The following PRKCQ variants were observed in gnomAD, a reference collection of about 807,000 sequenced individuals.
The protein encoded by PRKCQ is protein kinase C theta type.
PRKCQ carries 41 observed loss-of-function variants against 91.2 expected under a neutral mutation model. The ratio of observed to expected loss-of-function variants is 0.45; its 90% CI spans 0.35 to 0.58. The LOEUF is 0.58. PRKCQ is among the 20% of genes least tolerant of loss of function. The probability of loss-of-function intolerance (pLI) is 0.00; values close to 1 mark genes in which losing one functional copy is unlikely to be tolerated. For missense variants in PRKCQ, 673 were observed against 896.5 expected (o/e 0.75, Z 3.18); for synonymous variants, 307 against 316.9 (o/e 0.97, Z 0.33).
the PRKCQ span, among the ~76,000 whole-genome samples, chr10:6,404,003 T>C: frequency 1.7e-3 from 253 of 151,846 alleles, 3 homozygotes; most frequent in South Asian, 0.016. Context: ...GAGGAAAAGA[T>C]AGGAGATAGC....
chr10:6,395,075 T>TTTTTTTTTTTC, the PRKCQ span, among the ~76,000 whole-genome samples: 111 of 135,778 alleles, frequency 8.2e-4, 3 homozygotes, highest in African/African-American at 3.0e-3. Flanking sequence ...TTTTTTTTTT[T>TTTTTTTTTTTC]TTTTTGAGAC....
At chr10:6,454,271 T>G (rs1378342815) in intron 15 of PRKCQ, among the ~76,000 whole-genome samples, 1 of 152,122 alleles carries the variant, frequency 6.6e-6, no homozygotes, top group South Asian at 2.1e-4. Flanking sequence ...GTAAAGAGCA[T>G]GCCCTGGTGA....
the PRKCQ span, among the ~76,000 whole-genome samples, chr10:6,404,217 T>TAGAG: frequency 3.5e-4 from 34 of 98,274 alleles, no homozygotes; most frequent in African/African-American, 7.3e-4. Context: ...AAGAAAAAAC[T>TAGAG]AGAGAGAGAG....
intron 15 of PRKCQ, among the ~76,000 whole-genome samples, chr10:6,454,365 C>T (rs1266432863): frequency 1.3e-5 from 2 of 151,968 alleles, no homozygotes; most frequent in African/African-American, 4.8e-5. Flanking sequence ...AGGGTAACAG[C>T]AGTAAGGGCG....
the PRKCQ span, among the ~76,000 whole-genome samples, chr10:6,404,733 T>TCC: frequency 6.9e-6 from 1 of 145,144 alleles, no homozygotes; most frequent in African/African-American, 2.7e-5. Flanking sequence ...CCTTCCTCCC[T>TCC]CCTTCCTTCC....
At chr10:6,450,991 A>G (rs1222147129) in intron 15 of PRKCQ, among the ~76,000 whole-genome samples, 1 of 152,152 alleles carries the variant, frequency 6.6e-6, no homozygotes, top group Non-Finnish European at 1.5e-5. Context: ...TCCAAAACTG[A>G]CACCCTAACA....
At chr10:6,446,339 A>G (rs1419993499) in intron 15 of PRKCQ, among the ~76,000 whole-genome samples, 1 of 143,774 alleles carries the variant, frequency 7.0e-6, no homozygotes, top group Non-Finnish European at 1.5e-5. Context: ...TCAAGCTGTC[A>G]TGGTCACACT....
the PRKCQ span, among the ~76,000 whole-genome samples, chr10:6,414,276 C>A: frequency 6.6e-6 from 1 of 152,176 alleles, no homozygotes; most frequent in African/African-American, 2.4e-5. Flanking sequence ...TTTTGTTGAT[C>A]TTTTCCAGTA....
intron 1 of PRKCQ, among the ~76,000 whole-genome samples, chr10:6,525,556 T>G (rs961835916): frequency 2.0e-5 from 3 of 152,260 alleles, no homozygotes; most frequent in African/African-American, 7.2e-5. Context: ...TTTCAGTTGT[T>G]CAGGCAACTG....
intron 10 of PRKCQ, among the ~76,000 whole-genome samples, chr10:6,484,120 G>T (rs1219843323): frequency 6.6e-6 from 1 of 152,218 alleles, no homozygotes; most frequent in East Asian, 1.9e-4. Flanking sequence ...AAGTCAAGAT[G>T]CTGCCTACGT....
rs147563817 is a variant in PRKCQ at position 6,441,066 on chromosome 10, A to G, written c.1836+827T>C. 4.6e-3 allele frequency among the ~76,000 whole-genome samples: 705 copies of G among 152,346 alleles called. 4 individuals carry two copies. Among genetic ancestry groups the G allele is most frequent in the African/African-American group, 0.016 (674 of 41,572 alleles). ...CCCCACTGAGACAGTGTTTCATAAC[A>G]TAAGAGTGACAATAGGTTGTCTTTT... On this transcript the variant is annotated intron_variant, in intron 16 of 17. Coordinates refer to ENST00000263125, the MANE Select transcript of PRKCQ (RefSeq NM_006257.5).
At chr10:6,413,136 T>C in the PRKCQ span, among the ~76,000 whole-genome samples, 1 of 152,014 alleles carries the variant, frequency 6.6e-6, no homozygotes, top group Non-Finnish European at 1.5e-5. Flanking sequence ...GTATGTTTAG[T>C]AGAGACGGGG....
chr10:6,486,206 T>C, intron 8 of PRKCQ, 62 bp from the exon 9 acceptor site: 1 of 1,368,222 alleles, frequency 7.3e-7, no homozygotes, highest in Non-Finnish European at 1.0e-6. Flanking sequence ...TAAACAACTC[T>C]CTCTGGAGGT....
intron 1 of PRKCQ, among the ~76,000 whole-genome samples, chr10:6,575,412 G>C (rs1841191532): frequency 6.6e-6 from 1 of 152,178 alleles, no homozygotes; most frequent in Non-Finnish European, 1.5e-5. Flanking sequence ...TATTAACACT[G>C]ATGCCATGTT....
At chr10:6,394,766 C>CCA in the PRKCQ span, among the ~76,000 whole-genome samples, 1 of 152,164 alleles carries the variant, frequency 6.6e-6, no homozygotes, top group African/African-American at 2.4e-5. Context: ...AGAAGCAGGG[C>CCA]CATTTTATAA....
intron 15 of PRKCQ, among the ~76,000 whole-genome samples, chr10:6,451,189 T>C (rs1183641056): frequency 1.4e-5 from 2 of 147,302 alleles, no homozygotes. Context: ...GCAAGACTAA[T>C]AAAGAAAAAA....
At chr10:6,502,333 T>C (rs1837961677) in intron 4 of PRKCQ, among the ~76,000 whole-genome samples, 1 of 152,206 alleles carries the variant, frequency 6.6e-6, no homozygotes, top group African/African-American at 2.4e-5. Flanking sequence ...AGGTAACTCC[T>C]ACTAATGTGT....
chr10:6,407,228 C>T, the PRKCQ span, among the ~76,000 whole-genome samples: 6 of 150,962 alleles, frequency 4.0e-5, no homozygotes, highest in Non-Finnish European at 8.8e-5. This position sits in a 1 kb window ranked among gnomAD's most constrained non-coding sequence, Gnocchi z 4.0. Flanking sequence ...TGCAGGTAAG[C>T]GAGCACCCAG....
chr10:6,458,120 G>A (rs1335568750), intron 14 of PRKCQ, among the ~76,000 whole-genome samples: 1 of 152,114 alleles, frequency 6.6e-6, no homozygotes, highest in Non-Finnish European at 1.5e-5. Context: ...ATTTTTTGTA[G>A]AGACAAGGTC....
Sources: allele counts gnomAD v4.1 joint callset (sites outside exome capture counted in the v4.1 genomes callset), GRCh38; gene constraint gnomAD v4.1.1; non-coding constraint Gnocchi (gnomAD v3.1); transcripts MANE v1.5; gene names NCBI Gene and HGNC (gene_info 2026-07-23, HGNC 2026-07-21).